DLG2: variants seen among roughly 807,000 people sequenced by gnomAD.
DLG2 encodes the protein disks large homolog 2.
DLG2 carries 45 observed loss-of-function variants against 132.5 expected under a neutral mutation model. The observed-to-expected ratio is 0.34, with a 90% CI of 0.27 to 0.44. The LOEUF (loss-of-function observed/expected upper bound fraction) is 0.44. DLG2 is among the 20% of genes least tolerant of loss of function. DLG2 has a pLI of 1.00. For synonymous variants in DLG2, 424 were observed against 419.6 expected, an observed-to-expected ratio of 1.01 and a Z score of -0.13; for missense variants, 1,045 against 1,196.9, an observed-to-expected ratio of 0.87 and a Z score of 1.87.
At chr11:84,187,198 A>T (rs993233532) in intron 8 of DLG2, among the ~76,000 whole-genome samples, 1 of 151,540 alleles carries the variant, frequency 6.6e-6, no homozygotes, top group South Asian at 2.1e-4. Flanking sequence ...ATAAAGTGAG[A>T]AGGTGATAGC....
chr11:85,606,149 A>T (rs1006833200), intron 2 of DLG2, among the ~76,000 whole-genome samples: 1 of 152,232 alleles, frequency 6.6e-6, no homozygotes, highest in Non-Finnish European at 1.5e-5. Flanking sequence ...TAGATTTAGA[A>T]CGATTAACTA....
chr11:83,965,909 C>A (rs550536131), intron 12 of DLG2, among the ~76,000 whole-genome samples: 1 of 151,872 alleles, frequency 6.6e-6, no homozygotes, highest in Non-Finnish European at 1.5e-5. Flanking sequence ...GCTTTTTAAA[C>A]CTAGAGTGAC....
intron 7 of DLG2, among the ~76,000 whole-genome samples, chr11:84,295,292 A>G (rs769225679): frequency 2.6e-5 from 4 of 152,192 alleles, no homozygotes; most frequent in Non-Finnish European, 5.9e-5. Context: ...TGTTAAAATA[A>G]TATTAATAGT....
intron 6 of DLG2, among the ~76,000 whole-genome samples, chr11:84,657,646 G>GA (rs2099689810): frequency 6.6e-6 from 1 of 152,074 alleles, no homozygotes; most frequent in Admixed American, 6.6e-5. Flanking sequence ...TAGGTTTCCT[G>GA]CTCCTATGAG....
At chr11:83,838,675 C>T (rs531836124) in intron 16 of DLG2, among the ~76,000 whole-genome samples, 1 of 152,240 alleles carries the variant, frequency 6.6e-6, no homozygotes, top group Non-Finnish European at 1.5e-5. Flanking sequence ...TCAACACTAG[C>T]TCCCAGTTTT....
At chr11:84,603,510 A>G (rs960208709) in intron 6 of DLG2, among the ~76,000 whole-genome samples, 15 of 152,030 alleles carry the variant, frequency 9.9e-5, no homozygotes, top group Admixed American at 9.8e-4. Context: ...CAATCAATCT[A>G]AGAGCCATTT....
chr11:85,060,751 C>T (rs2064024271), intron 6 of DLG2, among the ~76,000 whole-genome samples: 1 of 151,568 alleles, frequency 6.6e-6, no homozygotes, highest in Admixed American at 6.6e-5. Context: ...TTTATGAACT[C>T]AAAACTGTTT....
chr11:85,129,329 A>G (rs1215607359), intron 5 of DLG2, among the ~76,000 whole-genome samples: 3 of 152,214 alleles, frequency 2.0e-5, no homozygotes, highest in Non-Finnish European at 4.4e-5. Context: ...CTGCAAATCA[A>G]TCTAACTAGA....
intron 6 of DLG2, among the ~76,000 whole-genome samples, chr11:84,682,490 G>A (rs921164280): frequency 6.6e-6 from 1 of 152,184 alleles, no homozygotes; most frequent in African/African-American, 2.4e-5. Flanking sequence ...CTAAAGAGGT[G>A]CCATGGAGAG....
intron 6 of DLG2, among the ~76,000 whole-genome samples, chr11:84,787,279 A>T (rs2073068898): frequency 6.6e-6 from 1 of 152,048 alleles, no homozygotes; most frequent in African/African-American, 2.4e-5. Flanking sequence ...TCTTCTGCTT[A>T]GTGTCTGACC....
Position 83,845,184 on chromosome 11 carries a change from A to G in DLG2, c.1566-11414T>C, listed in dbSNP as rs543538629. Among the ~76,000 whole-genome samples, 14 of 152,186 alleles carry G rather than the reference A, an allele frequency of 9.2e-5. No individual in the cohort carries two copies. The East Asian group carries it at 2.7e-3, about 29-fold the overall frequency. On this transcript the variant is annotated intron_variant, in intron 16 of 27. Transcript: ENST00000376104. The stretch of plus-strand genomic sequence containing the variant: ...AGTCTTCCTGAATCCTTTTTCCTTC[A>G]TTTCTCTATTAAATGCAACTACGTT...
intron 7 of DLG2, among the ~76,000 whole-genome samples, chr11:84,443,042 G>A (rs1602207005): frequency 6.6e-6 from 1 of 152,030 alleles, no homozygotes; most frequent in Non-Finnish European, 1.5e-5. Flanking sequence ...TTATAGATAA[G>A]TGTGAAAAAA....
At chr11:85,442,266 A>G (rs1391661875) in intron 3 of DLG2, among the ~76,000 whole-genome samples, 2 of 152,234 alleles carry the variant, frequency 1.3e-5, no homozygotes, top group African/African-American at 4.8e-5. Context: ...AAAAATGGAT[A>G]CCAGGAGCAA....
intron 18 of DLG2, among the ~76,000 whole-genome samples, chr11:83,779,337 A>T (rs1293437086): frequency 6.6e-6 from 1 of 152,198 alleles, no homozygotes; most frequent in East Asian, 1.9e-4. Flanking sequence ...GGCTATTTTA[A>T]AAATTAACAA....
At chr11:84,499,576 G>C (rs865806258) in intron 7 of DLG2, among the ~76,000 whole-genome samples, 4 of 152,164 alleles carry the variant, frequency 2.6e-5, no homozygotes, top group Admixed American at 6.5e-5. Flanking sequence ...GGATGAAAAT[G>C]CTTTACTGGC....
At chr11:85,192,266 T>C (rs923008475) in intron 4 of DLG2, among the ~76,000 whole-genome samples, 8 of 152,194 alleles carry the variant, frequency 5.3e-5, no homozygotes, top group African/African-American at 2.4e-5. Flanking sequence ...ATGTATTGAG[T>C]TCAGTACATA....
intron 7 of DLG2, among the ~76,000 whole-genome samples, chr11:84,494,898 G>A (rs1314130494): frequency 6.6e-6 from 1 of 152,120 alleles, no homozygotes; most frequent in Non-Finnish European, 1.5e-5. Context: ...AAACCCATCA[G>A]TGACTTTGCA....
intron 3 of DLG2, among the ~76,000 whole-genome samples, chr11:85,436,862 G>C (rs550441503): frequency 2.6e-5 from 4 of 152,260 alleles, no homozygotes; most frequent in Non-Finnish European, 5.9e-5. Context: ...TATGTTTGTT[G>C]CAGCACTGTT....
chr11:85,426,792 G>C (rs1201575301), intron 3 of DLG2, among the ~76,000 whole-genome samples: 69 of 152,270 alleles, frequency 4.5e-4, no homozygotes, highest in Admixed American at 4.4e-3. Flanking sequence ...ACTTCAATGA[G>C]TTGAGAGAAG....
Sources: gnomAD v4.1 joint callset for allele counts (sites outside exome capture counted in the v4.1 genomes callset) on GRCh38, gnomAD v4.1.1 for gene constraint, MANE v1.5 for transcripts, NCBI Gene and HGNC (gene_info 2026-07-23, HGNC 2026-07-21) for gene names.